Variants in RAB5IF observed in about 807,000 individuals in gnomAD.
The protein encoded by RAB5IF is RAB5 interacting factor, also known as GEL complex subunit OPTI.
Under a neutral mutation model 20.3 loss-of-function variants are expected in RAB5IF, and 15 were observed. That is an observed-to-expected ratio of 0.74 (90% CI 0.50 to 1.14). RAB5IF has a LOEUF of 1.14. Ranked by LOEUF, RAB5IF falls within the 50% of genes most tolerant of loss-of-function variation. The pLI, the probability that RAB5IF is intolerant of heterozygous loss-of-function variation, is 0.00. For synonymous variants in RAB5IF, 67 were observed against 63.7 expected, an observed-to-expected ratio of 1.05 and a Z score of -0.25; for missense variants, 148 against 159.5, an observed-to-expected ratio of 0.93 and a Z score of 0.39.
chr20:36,610,710 A>AG (rs1405689592), intron 3 of RAB5IF, among the ~76,000 whole-genome samples: 2 of 152,170 alleles, frequency 1.3e-5, no homozygotes, highest in African/African-American at 4.8e-5. Context: ...AAAAAAAAAA[A>AG]AAAAATGAAG....
intron 1 of RAB5IF, among the ~76,000 whole-genome samples, chr20:36,606,392 A>G (rs2038935370): frequency 6.6e-6 from 1 of 152,226 alleles, no homozygotes; most frequent in Admixed American, 6.5e-5. Context: ...TTTTATGTGC[A>G]GTAGGGTTTT....
Position 36,612,406 on chromosome 20 carries a change from A to G in RAB5IF, c.*355A>G, listed in dbSNP as rs760961388. 98 of 643,184 alleles carry G rather than the reference A, an allele frequency of 1.5e-4. No individual in the cohort carries two copies. Among genetic ancestry groups the G allele is most frequent in the Non-Finnish European group, 2.4e-4 (88 of 371,552 alleles). The allele number at this position is 643,184 out of a possible 1,614,324, so 39.8% of individuals were successfully genotyped here. ...TCTTCCTCGATTCTCCATCGGGTGT[A>G]GAGTTTTTAAACTATCAATGGCATT... is the stretch of plus-strand genomic sequence containing the variant. On this transcript the variant is annotated 3_prime_UTR_variant, in exon 4 of 4. Coordinates refer to ENST00000344795, the MANE Select transcript of RAB5IF (RefSeq NM_018840.5).
chr20:36,609,156 T>TACAC lies in RAB5IF; in HGVS notation c.219-410_219-407dup, dbSNP rs765034845. Reference sequence around the variant, plus strand: ...TTCAAGGGGCTTTGGAGAACTATATTACACACACACACACACACACACACA... The same window carrying TACAC: ...TTCAAGGGGCTTTGGAGAACTATATTACACACACACACACACACACACACACACA... On this transcript the variant is annotated intron_variant, in intron 2 of 3. Coordinates refer to ENST00000344795, the MANE Select transcript of RAB5IF (RefSeq NM_018840.5). Among the ~76,000 whole-genome samples the TACAC allele has an allele frequency of 8.6e-3, 146 of 17,038 alleles. 37 individuals are homozygous for TACAC. The highest frequency in any genetic ancestry group is 0.011 in the East Asian group (7 of 642). The allele number at this position is 17,038 out of a possible 152,430, so 11.2% of individuals were successfully genotyped here.
Position 36,606,036 on chromosome 20 carries a change from C to G in RAB5IF, c.85C>G (p.Leu29Val), listed in dbSNP as rs766799638. The G allele has an allele frequency of 1.2e-5, 18 of 1,522,404 alleles. No individual in the cohort carries two copies. Among genetic ancestry groups the G allele is most frequent in the Non-Finnish European group, 1.6e-5 (18 of 1,130,518 alleles). 94.3% of individuals were successfully genotyped at this position (1,522,404 alleles called of 1,614,324 possible). ...CAAAGTCTCCGTCTGGAGTAAGGTG[C>G]TGCGGAGCGACGCGGCCTGGGAGGA... ...ALKVSVWSKV[L>V]RSDAAWEDKD... Residue 29 changes from leucine to valine, a missense_variant, in exon 1 of 4, where the codon CTG becomes GTG. Transcript: ENST00000344795.
Position 36,608,045 on chromosome 20 carries a change from C to T in RAB5IF, c.218+227C>T, listed in dbSNP as rs561308057. The T allele has an allele frequency of 9.0e-6, 11 of 1,224,774 alleles. No individual in the cohort carries two copies. In the African/African-American group the frequency reaches 1.5e-4, roughly 17 times the overall value. The allele number at this position is 1,224,774 out of a possible 1,614,324, so 75.9% of individuals were successfully genotyped here. A position where few individuals can be genotyped will look rare whatever the true frequency, so the allele number is the denominator to read the frequency against. On this transcript the variant is annotated intron_variant, in intron 2 of 3. Transcript: ENST00000344795. ...TGCCTTCCTGAAGGCTGGGCCAGTC[C>T]ATTCATTCATGGGTCTAAAGTGACC...
At chr20:36,609,178 C>CAGAACTATATTACATACATACAT (rs1568595353) in intron 2 of RAB5IF, among the ~76,000 whole-genome samples, 1 of 31,930 alleles carries the variant, frequency 3.1e-5, no homozygotes, top group Non-Finnish European at 6.0e-5. Flanking sequence ...CACACACACA[C>CAGAACTATATTACATACATACAT]ACACACACAC....
At chr20:36,607,585 C>T in intron 1 of RAB5IF, 130 bp from the exon 2 acceptor site, 2 of 992,598 alleles carry the variant, frequency 2.0e-6, no homozygotes, top group Non-Finnish European at 3.0e-6. Flanking sequence ...AAACAGGAAG[C>T]ACATACTGTT....
chr20:36,611,437 G>GA (rs1186675195), intron 3 of RAB5IF, among the ~76,000 whole-genome samples: 108 of 104,136 alleles, frequency 1.0e-3, no homozygotes, highest in Non-Finnish European at 9.6e-4. Flanking sequence ...CTCTACAGGG[G>GA]AAAAAAAAAA....
chr20:36,606,008 C>G lies in RAB5IF; in HGVS notation c.57C>G (p.Ala19=), dbSNP rs368984059. Residue 19 remains alanine (A), a synonymous_variant, in exon 1 of 4, where the codon GCC becomes GCG. Transcript: ENST00000344795. The part of the protein sequence containing the change: ...EPPQPQLANG[A]LKVSVWSKVL... ...CTCAGCCGCAGCTGGCCAACGGGGC[C>G]CTCAAAGTCTCCGTCTGGAGTAAGG... is the stretch of plus-strand genomic sequence containing the variant. 1.2e-4 allele frequency: 180 copies of G among 1,529,614 alleles called. No homozygotes were observed. The African/African-American group carries it at 2.3e-3, about 19-fold the overall frequency. 94.8% of individuals were successfully genotyped at this position (1,529,614 alleles called of 1,614,324 possible).
At chr20:36,608,556 CTTTTTTTT>C (rs34058641) in intron 2 of RAB5IF, among the ~76,000 whole-genome samples, 1 of 104,886 alleles carries the variant, frequency 9.5e-6, no homozygotes, top group African/African-American at 3.6e-5. Context: ...CGGTCTCATT[CTTTTTTTT>C]TTTTTTTTTT....
chr20:36,608,474 G>T (rs1376980996), intron 2 of RAB5IF, among the ~76,000 whole-genome samples: 1 of 151,710 alleles, frequency 6.6e-6, no homozygotes, highest in Non-Finnish European at 1.5e-5. Flanking sequence ...TGAACTCCTG[G>T]GCTCAAGTGA....
At position 36,612,050 on chromosome 20, in the gene RAB5IF, G is replaced by C. The variant is rs771447581; in HGVS notation, c.389G>C (p.Ter130SerextTer23). 1 of 1,614,028 alleles carries C rather than the reference G, an allele frequency of 6.2e-7. No individual in the cohort carries two copies. The highest frequency in any genetic ancestry group is 8.5e-7 in the Non-Finnish European group (1 of 1,180,048). The change falls in exon 4 of 4, where the codon TGA becomes TCA. Residue 130 changes from the stop codon to serine, a stop_lost. Transcript: ENST00000344795. ...TTTTACACTGCCATCCATTATGACTGATGGTGTACAGCTCCCAAGTGCTCC... is the reference window on the plus strand; with the variant it reads ...TTTTACACTGCCATCCATTATGACTCATGGTGTACAGCTCCCAAGTGCTCC... The part of the protein sequence containing the change: ...IIFYTAIHYD[*>S]
In RAB5IF at chr20:36,612,082, A is replaced by T. The variant is rs2039138435; in HGVS notation, c.*31A>T. ...TACAGCTCCCAAGTGCTCCCTATCC[A>T]GTCCAAAGGACCCTCTTGATTACAG... On this transcript the variant is annotated 3_prime_UTR_variant, in exon 4 of 4. Coordinates refer to ENST00000344795, the MANE Select transcript of RAB5IF (RefSeq NM_018840.5). The T allele has an allele frequency of 1.2e-6, 2 of 1,614,090 alleles. No individual in the cohort carries two copies. The highest frequency in any genetic ancestry group is 1.7e-6 in the Non-Finnish European group (2 of 1,180,040).
chr20:36,606,057 G>C lies in RAB5IF; in HGVS notation c.106G>C (p.Glu36Gln). The C allele has an allele frequency of 6.6e-7, 1 of 1,509,944 alleles. No homozygotes were observed. Among genetic ancestry groups the C allele is most frequent in the Non-Finnish European group, 8.9e-7 (1 of 1,123,010 alleles). 93.5% of individuals were successfully genotyped at this position (1,509,944 alleles called of 1,614,324 possible). The change falls in exon 1 of 4, where the codon GAG becomes CAG. Residue 36 changes from glutamate (E) to glutamine (Q), a missense_variant. Glu to Gln is a conservative substitution (Grantham distance 29). Transcript: ENST00000344795. ...GGTGCTGCGGAGCGACGCGGCCTGG[G>C]AGGATAAGGTACGGTGGAGTCTGAA... ...SKVLRSDAAW[E>Q]DKDEFLDVIY...
chr20:36,611,885 A>C (rs2039132044), intron 3 of RAB5IF, 125 bp from the exon 4 acceptor site: 2 of 1,252,962 alleles, frequency 1.6e-6, no homozygotes, highest in African/African-American at 3.0e-5. Flanking sequence ...CCCCCCAAGC[A>C]GACTGTGCAA....
At chr20:36,611,888 C>T (rs2147969883) in intron 3 of RAB5IF, 122 bp from the exon 4 acceptor site, 1 of 1,281,060 alleles carries the variant, frequency 7.8e-7, no homozygotes, top group Non-Finnish European at 1.1e-6. Context: ...CCCAAGCAGA[C>T]TGTGCAACGG....
Position 36,608,720 on chromosome 20 carries a change from T to C in RAB5IF, c.219-881T>C, listed in dbSNP as rs2038993488. On this transcript the variant is annotated intron_variant, in intron 2 of 3. Transcript: ENST00000344795. Reference sequence around the variant, plus strand: ...CTGGGACTACAGGTGTCTGCCCCCATGCCCGGCTTATTTTTTGTATTTTTA... The same window carrying C: ...CTGGGACTACAGGTGTCTGCCCCCACGCCCGGCTTATTTTTTGTATTTTTA... Among the ~76,000 whole-genome samples, 4 of 151,948 alleles carry C rather than the reference T, an allele frequency of 2.6e-5. No individual in the cohort carries two copies. In the South Asian group the frequency reaches 6.2e-4, roughly 24 times the overall value.
Position 36,607,939 on chromosome 20 carries a change from A to G in RAB5IF, c.218+121A>G, listed in dbSNP as rs761124117. Reference sequence around the variant, plus strand: ...TGTGTGTGTGTGTGATGACTAAAGCAAAGAAGCAGCCCTACAGTGGCACTC... The same window carrying G: ...TGTGTGTGTGTGTGATGACTAAAGCGAAGAAGCAGCCCTACAGTGGCACTC... On this transcript the variant is annotated intron_variant, in intron 2 of 3. Transcript: ENST00000344795. 4 of 1,532,804 alleles carry G rather than the reference A, an allele frequency of 2.6e-6. No individual in the cohort carries two copies. The South Asian group carries it at 4.7e-5, about 18-fold the overall frequency. 95.0% of individuals were successfully genotyped at this position (1,532,804 alleles called of 1,614,324 possible). A position where few individuals can be genotyped will look rare whatever the true frequency, so the allele number is the denominator to read the frequency against.
rs2038926112 is a variant in RAB5IF, at chr20:36,606,069, C to CT, written c.114+4_114+5insT. The CT allele has an allele frequency of 6.8e-7, 1 of 1,462,618 alleles. No individual in the cohort carries two copies. Among genetic ancestry groups the CT allele is most frequent in the South Asian group, 1.3e-5 (1 of 74,970 alleles). 90.6% of individuals were successfully genotyped at this position (1,462,618 alleles called of 1,614,324 possible). A position where few individuals can be genotyped will look rare whatever the true frequency, so the allele number is the denominator to read the frequency against. On this transcript the variant is annotated splice_donor_region_variant and intron_variant, in intron 1 of 3. Transcript: ENST00000344795. The stretch of plus-strand genomic sequence containing the variant: ...CGACGCGGCCTGGGAGGATAAGGTA[C>CT]GGTGGAGTCTGAACAGGGCGCGGGT...
Sources: allele counts gnomAD v4.1 joint callset (sites outside exome capture counted in the v4.1 genomes callset), GRCh38; gene constraint gnomAD v4.1.1; transcripts MANE v1.5; gene names NCBI Gene and HGNC (gene_info 2026-07-23, HGNC 2026-07-21).